UNC79: variants seen among roughly 807,000 people sequenced by gnomAD.
The protein encoded by UNC79 is unc-79 subunit of NALCN channel complex, also known as protein unc-79 homolog.
In UNC79, 37 loss-of-function variants were observed where a neutral mutation model predicts 283.1. The observed-to-expected ratio is 0.13, with a 90% CI of 0.10 to 0.17. UNC79 has a LOEUF of 0.17. Ranked by LOEUF, UNC79 falls within the 10% of genes least tolerant of loss-of-function variation. The pLI, the probability that UNC79 is intolerant of heterozygous loss-of-function variation, is 1.00. For missense variants in UNC79, 2,272 were observed against 3,211.1 expected, an observed-to-expected ratio of 0.71 and a Z score of 7.07; for synonymous variants, 1,107 against 1,200.2, an observed-to-expected ratio of 0.92 and a Z score of 1.61.
chr14:93,532,590 C>G lies in UNC79; in HGVS notation c.1122+12C>G. 6.2e-7 allele frequency: 1 copy of G among 1,610,176 alleles called. No homozygotes were observed. Among genetic ancestry groups the G allele is most frequent in the Non-Finnish European group, 8.5e-7 (1 of 1,177,872 alleles). ...TATGTCAGAAAAAGGTAAGAGCAAA[C>G]CATTTGTGTCGTTGGGGCATGATTT... On this transcript the variant is annotated intron_variant, in intron 11 of 48. Coordinates refer to ENST00000555664, the Ensembl canonical transcript of UNC79.
At chr14:93,566,227 T>C (rs147593472) in intron 14 of UNC79, among the ~76,000 whole-genome samples, 65 of 152,314 alleles carry the variant, frequency 4.3e-4, no homozygotes, top group Non-Finnish European at 6.6e-4. Flanking sequence ...GGAGAATCTC[T>C]TATAAACCAG....
chr14:93,452,894 T>C (rs2056689567), intron 1 of UNC79, among the ~76,000 whole-genome samples: 1 of 152,206 alleles, frequency 6.6e-6, no homozygotes, highest in African/African-American at 2.4e-5. Context: ...AAGCAGTCTT[T>C]AGAGAGTTGT....
exon 29 of UNC79, chr14:93,618,296 G>A (rs750338061): frequency 5.0e-6 from 8 of 1,613,842 alleles, no homozygotes; most frequent in South Asian, 4.4e-5. Flanking sequence ...CCCATGCCAC[G>A]GCAGGACCTT....
At chr14:93,542,992 G>A (rs55915137) in intron 14 of UNC79, among the ~76,000 whole-genome samples, 5,167 of 147,146 alleles carry the variant, frequency 0.035, 188 homozygotes, top group Admixed American at 0.11. Flanking sequence ...TTGCTATGTC[G>A]CCCAGGCTGG....
chr14:93,367,431 A>G (rs926732461), intron 1 of UNC79, among the ~76,000 whole-genome samples: 2 of 152,242 alleles, frequency 1.3e-5, no homozygotes, highest in Non-Finnish European at 2.9e-5. Context: ...CTTTTGGCCA[A>G]TGAAATTGTG....
chr14:93,567,394 T>G (rs2062956115), intron 14 of UNC79, among the ~76,000 whole-genome samples: 1 of 151,950 alleles, frequency 6.6e-6, no homozygotes, highest in African/African-American at 2.4e-5. Flanking sequence ...CCTGGCCAAT[T>G]TTTTGTATTT....
chr14:93,435,995 T>G (rs2056073444), intron 1 of UNC79, among the ~76,000 whole-genome samples: 1 of 152,212 alleles, frequency 6.6e-6, no homozygotes, highest in Non-Finnish European at 1.5e-5. Context: ...TCAATTAGTT[T>G]CTTGTTAGTT....
At chr14:93,348,203 A>G in intron 1 of UNC79, 1 of 810,164 alleles carries the variant, frequency 1.2e-6, no homozygotes, top group Non-Finnish European at 2.2e-6. Flanking sequence ...AAAATTGCCT[A>G]GTTGAGTTGA....
chr14:93,638,622 G>A (rs1455784950), intron 32 of UNC79, among the ~76,000 whole-genome samples: 2 of 152,318 alleles, frequency 1.3e-5, no homozygotes, highest in South Asian at 2.1e-4. Flanking sequence ...GGCTCTGGAG[G>A]TGGGCCCCTC....
Position 93,466,833 on chromosome 14 carries a change from A to G in UNC79, c.23-838A>G, listed in dbSNP as rs896544429. 52 of 985,188 alleles carry G rather than the reference A, an allele frequency of 5.3e-5. No individual in the cohort carries two copies. The Admixed American group carries it at 1.3e-3, about 24-fold the overall frequency. 61.0% of individuals were successfully genotyped at this position (985,188 alleles called of 1,614,324 possible). A position where few individuals can be genotyped will look rare whatever the true frequency, so the allele number is the denominator to read the frequency against. ...GGATTTGCAAAGAGGAATGACTAGA[A>G]CGGGGTCCTTCACTACAGCCAGGTC... On this transcript the variant is annotated intron_variant, in intron 1 of 48. Transcript: ENST00000555664.
intron 1 of UNC79, among the ~76,000 whole-genome samples, chr14:93,380,176 A>G (rs2054638378): frequency 6.6e-6 from 1 of 152,178 alleles, no homozygotes; most frequent in Admixed American, 6.5e-5. Flanking sequence ...GAGGGGGAGG[A>G]TGACATTTTT....
upstream of UNC79, among the ~76,000 whole-genome samples, chr14:93,426,017 TTCTC>T (rs986576338): frequency 1.2e-4 from 19 of 152,214 alleles, no homozygotes; most frequent in African/African-American, 4.3e-4. Flanking sequence ...TGGTGGCAAA[TTCTC>T]TCAGTTCTCT....
intron 41 of UNC79, among the ~76,000 whole-genome samples, chr14:93,676,565 C>A (rs114129664): frequency 6.6e-6 from 1 of 152,126 alleles, no homozygotes; most frequent in Non-Finnish European, 1.5e-5. Context: ...TGCTTTCCTG[C>A]GGACAGTGAA....
intron 1 of UNC79, among the ~76,000 whole-genome samples, chr14:93,403,800 C>A (rs1035386573): frequency 1.1e-4 from 16 of 150,816 alleles, no homozygotes; most frequent in African/African-American, 3.6e-4. Context: ...TAACTTTTCA[C>A]CAATAAAGGA....
chr14:93,476,955 G>T (rs886088317), intron 3 of UNC79, among the ~76,000 whole-genome samples: 1 of 152,190 alleles, frequency 6.6e-6, no homozygotes, highest in Non-Finnish European at 1.5e-5. Flanking sequence ...TTCTAATGAA[G>T]TGAGGTAGGT....
chr14:93,378,938 A>C (rs2054613167), intron 1 of UNC79, among the ~76,000 whole-genome samples: 1 of 152,198 alleles, frequency 6.6e-6, no homozygotes, highest in South Asian at 2.1e-4. Flanking sequence ...AAAGGCCAGA[A>C]TGTGGAGTAG....
rs115131588 is a variant in UNC79, at chr14:93,630,433, T to C, written c.5609-368T>C. On this transcript the variant is annotated intron_variant, in intron 30 of 48. Coordinates refer to ENST00000555664, the Ensembl canonical transcript of UNC79. ...AGGAAATTGTCAGACAAAGGTGGAG[T>C]ACCTAGACAGGAGATAGGGATGAAC... Among the ~76,000 whole-genome samples the C allele has an allele frequency of 7.6e-3, 1,163 of 152,288 alleles. 20 individuals carry two copies. Among genetic ancestry groups the C allele is most frequent in the African/African-American group, 0.027 (1,105 of 41,556 alleles).
chr14:93,473,737 A>G (rs2057646857), intron 2 of UNC79, among the ~76,000 whole-genome samples: 1 of 152,172 alleles, frequency 6.6e-6, no homozygotes, highest in African/African-American at 2.4e-5. Context: ...GCCCTTACTC[A>G]TTAGACAAAG....
At chr14:93,506,772 A>G (rs1469363691) in intron 7 of UNC79, among the ~76,000 whole-genome samples, 1 of 152,194 alleles carries the variant, frequency 6.6e-6, no homozygotes, top group Non-Finnish European at 1.5e-5. Flanking sequence ...TATATTTTAC[A>G]TAAGTTAGAT....
Sources: gnomAD v4.1 joint callset for allele counts (sites outside exome capture counted in the v4.1 genomes callset) on GRCh38, gnomAD v4.1.1 for gene constraint, MANE v1.5 for transcripts, NCBI Gene and HGNC (gene_info 2026-07-23, HGNC 2026-07-21) for gene names.